Variants in PHACTR2 observed in about 807,000 individuals in gnomAD.
PHACTR2 encodes the protein phosphatase and actin regulator 2, also known as chromosome 6 open reading frame 56.
In PHACTR2, 30 loss-of-function variants were observed where a neutral mutation model predicts 76.0. The observed-to-expected ratio is 0.39, with a 90% CI of 0.30 to 0.54. PHACTR2 has a LOEUF of 0.54. Ranked by LOEUF, PHACTR2 falls within the 20% of genes least tolerant of loss-of-function variation. The pLI, the probability that PHACTR2 is intolerant of heterozygous loss-of-function variation, is 0.61. For missense variants in PHACTR2, 696 were observed against 781.1 expected (o/e 0.89, Z 1.30); for synonymous variants, 292 against 292.5 (o/e 1.00, Z 0.02).
At chr6:143,705,150 G>A (rs1189233119) in intron 1 of PHACTR2, among the ~76,000 whole-genome samples, 2 of 151,268 alleles carry the variant, frequency 1.3e-5, no homozygotes, top group African/African-American at 4.9e-5. Context: ...GACAAGTCTC[G>A]CTCTGTAGCC....
intron 2 of PHACTR2, among the ~76,000 whole-genome samples, chr6:143,724,672 A>G (rs1402056273): frequency 6.6e-6 from 1 of 152,194 alleles, no homozygotes; most frequent in Non-Finnish European, 1.5e-5. Flanking sequence ...CCTCTTGGAA[A>G]CATTTCCTGT....
At chr6:143,575,859 C>T (rs1388575028) in intron 1 of PHACTR2, among the ~76,000 whole-genome samples, 1 of 148,214 alleles carries the variant, frequency 6.7e-6, no homozygotes, top group African/African-American at 2.5e-5. Flanking sequence ...TTAAGTCTTT[C>T]TAAGTGGACA....
intron 1 of PHACTR2, among the ~76,000 whole-genome samples, chr6:143,707,280 A>C (rs1227862072): frequency 6.6e-6 from 1 of 152,238 alleles, no homozygotes; most frequent in Non-Finnish European, 1.5e-5. Context: ...TTATCAAAGC[A>C]TTGTTTACCA....
intron 1 of PHACTR2, among the ~76,000 whole-genome samples, chr6:143,661,820 G>C (rs184722867): frequency 6.6e-6 from 1 of 152,058 alleles, no homozygotes; most frequent in East Asian, 1.9e-4. Flanking sequence ...GCCTCCAAAA[G>C]TGCTGGGATT....
intron 1 of PHACTR2, among the ~76,000 whole-genome samples, chr6:143,615,465 T>A (rs1776044956): frequency 6.6e-6 from 1 of 152,208 alleles, no homozygotes; most frequent in Non-Finnish European, 1.5e-5. Context: ...TATGATCTTA[T>A]TATACATCTG....
chr6:143,745,257 G>T (rs1779031659), intron 2 of PHACTR2, among the ~76,000 whole-genome samples: 2 of 152,298 alleles, frequency 1.3e-5, no homozygotes, highest in South Asian at 4.1e-4. Flanking sequence ...ACCTGGAGCC[G>T]ACTGCTGCCG....
In PHACTR2 at chr6:143,688,557, G is replaced by A. The variant is rs1777572174; in HGVS notation, c.46+10348G>A. Among the ~76,000 whole-genome samples the A allele has an allele frequency of 6.6e-6, 1 of 152,180 alleles. No homozygotes were observed. The highest frequency in any genetic ancestry group is 2.4e-5 in the African/African-American group (1 of 41,432). ...TGTCCTCCAAGCCAGTTCTTCCCTT[G>A]ACTTTCTACATTTCACCAAATGATA... On this transcript the variant is annotated intron_variant, in intron 1 of 12. Coordinates refer to ENST00000440869, the MANE Select transcript of PHACTR2 (RefSeq NM_001100164.2). This position sits in a 1 kb window ranked among gnomAD's most constrained non-coding sequence, Gnocchi z 5.2.
In PHACTR2 at chr6:143,822,005, C is replaced by A. The variant is rs1278715814; in HGVS notation, c.1923-1669C>A. Among the ~76,000 whole-genome samples the A allele has an allele frequency of 2.0e-5, 3 of 151,958 alleles. No homozygotes were observed. Among genetic ancestry groups the A allele is most frequent in the African/African-American group, 7.3e-5 (3 of 41,364 alleles). On this transcript the variant is annotated intron_variant, in intron 12 of 12. Coordinates refer to ENST00000440869, the MANE Select transcript of PHACTR2 (RefSeq NM_001100164.2). This position sits in a 1 kb window ranked among gnomAD's most constrained non-coding sequence, Gnocchi z 5.5. ...AACCCTGTCCCCCTCTGGAGCTCCC[C>A]CCAACCCACCCTGCAAAAAGTAGGT...
Position 143,807,114 on chromosome 6 carries a change from G to A in PHACTR2, c.1903G>A (p.Glu635Lys), listed in dbSNP as rs1386240370. Residue 635 changes from glutamate to lysine, a missense_variant, in exon 12 of 13, where the codon GAG becomes AAG. By Grantham distance (56) the Glu-to-Lys change is moderately conservative. This residue lies in a region of PHACTR2 where 236 missense variants were observed against 330.2 expected (regional missense o/e 0.71). Transcript: ENST00000440869. The surrounding 1 kb of genome is among the most constrained non-coding windows in gnomAD (Gnocchi z 5.5). ...AAGCACAGAAATGGAAGTTCATGAA[G>A]AGAGTCGACAGTTTACAAGGTAGGT... is the stretch of plus-strand genomic sequence containing the variant. ...FKSTEMEVHE[E>K]SRQFTRFHRP is the part of the protein sequence containing the mutation. The A allele has an allele frequency of 6.2e-7, 1 of 1,605,744 alleles. No homozygotes were observed. Among genetic ancestry groups the A allele is most frequent in the East Asian group, 2.2e-5 (1 of 44,810 alleles).
rs1401147634 is a variant in PHACTR2, at chr6:143,730,838, C to T, written c.215-18147C>T. 6.6e-6 allele frequency among the ~76,000 whole-genome samples: 1 copy of T among 152,178 alleles called. No homozygotes were observed. Among genetic ancestry groups the T allele is most frequent in the African/African-American group, 2.4e-5 (1 of 41,438 alleles). On this transcript the variant is annotated intron_variant, in intron 2 of 12. Transcript: ENST00000440869. The surrounding 1 kb of genome is among the most constrained non-coding windows in gnomAD (Gnocchi z 4.8). ...TCTCGGCTCACTGTAACCTCCGCCT[C>T]TTGGGTTCAAGCGATTCTCCTGCTT...
Position 143,549,357 on chromosome 6 carries a change from G to T in PHACTR2, c.217+12150G>T, listed in dbSNP as rs907661945. Among the ~76,000 whole-genome samples the T allele has an allele frequency of 2.0e-5, 3 of 152,058 alleles. No homozygotes were observed. The highest frequency in any genetic ancestry group is 4.8e-5 in the African/African-American group (2 of 41,422). ...ATTCAGAGGCCTGCTCGGGGTGCGGGATGGCATTCCTTTGGCTTAATCTGA... is the reference window on the plus strand; with the variant it reads ...ATTCAGAGGCCTGCTCGGGGTGCGGTATGGCATTCCTTTGGCTTAATCTGA... On this transcript the variant is annotated intron_variant, in intron 1 of 11. Coordinates refer to the PHACTR2 transcript ENST00000367584. The surrounding 1 kb of genome is among the most constrained non-coding windows in gnomAD (Gnocchi z 4.2).
chr6:143,682,920 T>G (rs1346620127), intron 1 of PHACTR2, among the ~76,000 whole-genome samples: 2 of 152,220 alleles, frequency 1.3e-5, no homozygotes, highest in African/African-American at 4.8e-5. Flanking sequence ...TGTCAAAGGT[T>G]TTTCCTGCCT....
chr6:143,817,421 C>T (rs1248275826), intron 12 of PHACTR2, among the ~76,000 whole-genome samples: 1 of 152,106 alleles, frequency 6.6e-6, no homozygotes, highest in Admixed American at 6.5e-5. Context: ...GTCAGGGCTC[C>T]CTGGGTTGCT....
Position 143,730,433 on chromosome 6 carries a change from T to TTA in PHACTR2, c.214+18258_214+18259dup, listed in dbSNP as rs1328571011. On this transcript the variant is annotated intron_variant, in intron 2 of 12. Transcript: ENST00000440869. This position sits in a 1 kb window ranked among gnomAD's most constrained non-coding sequence, Gnocchi z 4.8. ...TTCTTTATTTTTTAGCTACTGTAAA[T>TTA]TATATATATTTTTAAATGTCAATTT... 6.6e-6 allele frequency among the ~76,000 whole-genome samples: 1 copy of TTA among 152,160 alleles called. No homozygotes were observed. Among genetic ancestry groups the TTA allele is most frequent in the Non-Finnish European group, 1.5e-5 (1 of 68,018 alleles).
intron 1 of PHACTR2, among the ~76,000 whole-genome samples, chr6:143,559,596 C>G (rs1039466794): frequency 1.3e-5 from 2 of 151,594 alleles, no homozygotes; most frequent in Non-Finnish European, 2.9e-5. Flanking sequence ...CTCCTCTTCC[C>G]TCTCTTATTC....
intron 1 of PHACTR2, among the ~76,000 whole-genome samples, chr6:143,702,525 T>G (rs1310663093): frequency 6.6e-6 from 1 of 152,182 alleles, no homozygotes; most frequent in Non-Finnish European, 1.5e-5. Flanking sequence ...TAGTGGGAAA[T>G]AAGCCTGGAT....
chr6:143,762,685 T>G (rs1253675096), intron 5 of PHACTR2, among the ~76,000 whole-genome samples: 2 of 152,242 alleles, frequency 1.3e-5, no homozygotes, highest in Non-Finnish European at 2.9e-5. Flanking sequence ...CCCAGTGATT[T>G]AAGTTGTTAA....
rs1431774564 is a variant in PHACTR2, at chr6:143,698,286, C to T, written c.47-13730C>T. Among the ~76,000 whole-genome samples, 2 of 152,148 alleles carry T rather than the reference C, an allele frequency of 1.3e-5. No individual in the cohort carries two copies. Among genetic ancestry groups the T allele is most frequent in the Admixed American group, 1.3e-4 (2 of 15,282 alleles). On this transcript the variant is annotated intron_variant, in intron 1 of 12. Coordinates refer to ENST00000440869, the MANE Select transcript of PHACTR2 (RefSeq NM_001100164.2). The surrounding 1 kb of genome is among the most constrained non-coding windows in gnomAD (Gnocchi z 4.3). Reference sequence around the variant, plus strand: ...TTTAAAGAAAGAAACCAAAATAGAACATCTCGCAAGTGGGGCATCCTCAAT... The same window carrying T: ...TTTAAAGAAAGAAACCAAAATAGAATATCTCGCAAGTGGGGCATCCTCAAT...
intron 1 of PHACTR2, among the ~76,000 whole-genome samples, chr6:143,699,301 G>A (rs958226561): frequency 3.3e-5 from 5 of 151,986 alleles, no homozygotes; most frequent in South Asian, 4.2e-4. Context: ...TCAACACCCC[G>A]ACACCCAGGG....
Sources: allele counts gnomAD v4.1 joint callset (sites outside exome capture counted in the v4.1 genomes callset), GRCh38; gene constraint gnomAD v4.1.1; regional missense constraint gnomAD v4.1.1; non-coding constraint Gnocchi (gnomAD v3.1); transcripts MANE v1.5; gene names NCBI Gene and HGNC (gene_info 2026-07-23, HGNC 2026-07-21).